NEDD4L: variants seen among roughly 807,000 people sequenced by gnomAD.
NEDD4L encodes the protein NEDD4 like E3 ubiquitin protein ligase, also known as E3 ubiquitin-protein ligase NEDD4-like.
A neutral mutation model predicts 148.9 loss-of-function variants in NEDD4L; 54 were observed. The observed-to-expected ratio is 0.36, with a 90% CI of 0.29 to 0.45. The LOEUF (loss-of-function observed/expected upper bound fraction) is 0.45. Among genes scored for constraint, NEDD4L ranks in the 20% least tolerant of loss-of-function variants. The pLI is 1.00. For missense variants in NEDD4L, 856 were observed against 1,233.8 expected (o/e 0.69, Z 4.59); for synonymous variants, 433 against 440.7 (o/e 0.98, Z 0.22).
chr18:58,240,679 T>C (rs753849366), intron 2 of NEDD4L, among the ~76,000 whole-genome samples: 2 of 152,186 alleles, frequency 1.3e-5, no homozygotes, highest in African/African-American at 2.4e-5. Context: ...CATTCAGAGC[T>C]TTCTTATTCT....
chr18:58,383,412 TGG>T, intron 25 of NEDD4L, 93 bp downstream of exon 25: 2 of 725,502 alleles, frequency 2.8e-6, no homozygotes, highest in Non-Finnish European at 4.8e-6. Flanking sequence ...GCATTTATTA[TGG>T]GCATGAGTTT....
At chr18:58,299,699 G>C (rs1156569942) in intron 5 of NEDD4L, among the ~76,000 whole-genome samples, 1 of 152,184 alleles carries the variant, frequency 6.6e-6, no homozygotes, top group Non-Finnish European at 1.5e-5. Flanking sequence ...CTCCTCCCCA[G>C]TCCTGGTCCC....
At chr18:58,147,189 G>A (rs570173508) in intron 1 of NEDD4L, among the ~76,000 whole-genome samples, 2 of 152,334 alleles carry the variant, frequency 1.3e-5, no homozygotes, top group East Asian at 3.9e-4. Context: ...GAGAAAGGCT[G>A]TGAGAGTGCG....
chr18:58,251,447 GA>G (rs373164112), intron 4 of NEDD4L, among the ~76,000 whole-genome samples: 1 of 152,114 alleles, frequency 6.6e-6, no homozygotes, highest in African/African-American at 2.4e-5. Flanking sequence ...CTGGGAGGTT[GA>G]GGCTGCAGTG....
At chr18:58,137,626 C>T (rs2032994755) in intron 1 of NEDD4L, among the ~76,000 whole-genome samples, 1 of 152,202 alleles carries the variant, frequency 6.6e-6, no homozygotes, top group Non-Finnish European at 1.5e-5. Flanking sequence ...CAACTCGTAT[C>T]CTCCAGTCTC....
At chr18:58,267,446 G>A (rs146782046) in intron 5 of NEDD4L, among the ~76,000 whole-genome samples, 9 of 152,216 alleles carry the variant, frequency 5.9e-5, no homozygotes, top group Middle Eastern at 3.4e-3. Context: ...ACTGGCTACT[G>A]TACTGGATGG....
intron 2 of NEDD4L, among the ~76,000 whole-genome samples, chr18:58,175,269 C>A (rs570137657): frequency 9.7e-4 from 148 of 152,346 alleles, no homozygotes; most frequent in Admixed American, 2.0e-3. Context: ...GCTGGGCACA[C>A]CCATTAGGTG....
chr18:58,234,086 TTTCTTTCTTTC>T (rs1242140047), intron 2 of NEDD4L, among the ~76,000 whole-genome samples: 21 of 96,644 alleles, frequency 2.2e-4, no homozygotes, highest in African/African-American at 9.1e-4. Flanking sequence ...TCTTTCTTTC[TTTCTTTCTTTC>T]TTTCTTTTCT....
At chr18:58,094,177 T>C (rs2084240177) in intron 1 of NEDD4L, among the ~76,000 whole-genome samples, 1 of 151,816 alleles carries the variant, frequency 6.6e-6, no homozygotes, top group Non-Finnish European at 1.5e-5. Flanking sequence ...CCCTTTTTTT[T>C]TTTTAATTTT....
chr18:58,384,486 T>TG (rs1165514101), intron 25 of NEDD4L, among the ~76,000 whole-genome samples: 1 of 152,034 alleles, frequency 6.6e-6, no homozygotes, highest in Admixed American at 6.6e-5. Context: ...AGACTGTGAG[T>TG]GGGGTTTAAA....
intron 9 of NEDD4L, among the ~76,000 whole-genome samples, chr18:58,325,618 AT>A (rs897317785): frequency 2.6e-5 from 4 of 151,948 alleles, no homozygotes; most frequent in Non-Finnish European, 5.9e-5. Flanking sequence ...AACCTCAAAA[AT>A]TTTTTTTTCT....
chr18:58,053,310 T>A (rs1598945283), intron 1 of NEDD4L, among the ~76,000 whole-genome samples: 1 of 112,064 alleles, frequency 8.9e-6, no homozygotes, highest in African/African-American at 2.7e-5. Context: ...GTGTTAACAA[T>A]TTTTTTTTTT....
At chr18:58,163,646 C>T (rs7229657) in intron 1 of NEDD4L, among the ~76,000 whole-genome samples, 2,197 of 152,316 alleles carry the variant, frequency 0.014, 51 homozygotes, top group African/African-American at 0.05. Flanking sequence ...TTGGCACAAA[C>T]GAGTTGCGAA....
At chr18:58,305,841 G>A (rs1259797781) in intron 5 of NEDD4L, among the ~76,000 whole-genome samples, 2 of 151,600 alleles carry the variant, frequency 1.3e-5, no homozygotes, top group East Asian at 1.9e-4. Context: ...ATCTAAAATT[G>A]TTGTGTCGGG....
chr18:58,372,977 T>A (rs1404724687), intron 23 of NEDD4L, 197 bp from the exon 24 acceptor site: 4 of 518,536 alleles, frequency 7.7e-6, no homozygotes, highest in Non-Finnish European at 1.1e-5. Context: ...AACTGCAAGC[T>A]CATTACAACT....
chr18:58,341,165 T>C lies in NEDD4L; in HGVS notation c.1253T>C (p.Met418Thr), dbSNP rs1236299484. ...ACCACAACTTGGACTCGACCTATCA[T>C]GCAGGTACGAAGATTGCCATCCAAC... Reference protein sequence around the residue: ...NRTTTWTRPIMQLAEDGASGS... With the variant: ...NRTTTWTRPITQLAEDGASGS... Residue 418 changes from methionine to threonine, a missense_variant, in exon 14 of 31, where the codon ATG becomes ACG. Physicochemically the swap from Met to Thr is moderately conservative, Grantham distance 81. Around this residue, in one of 4 missense-constraint regions of NEDD4L, gnomAD observed 367 missense variants for 422.7 expected, o/e 0.87. Transcript: ENST00000400345. 6.2e-7 allele frequency: 1 copy of C among 1,612,610 alleles called. No homozygotes were observed.
intron 1 of NEDD4L, among the ~76,000 whole-genome samples, chr18:58,125,119 C>T (rs909651216): frequency 4.6e-5 from 7 of 152,162 alleles, no homozygotes; most frequent in South Asian, 2.1e-4. Context: ...AAGCTGGTCT[C>T]GAACTCATGG....
chr18:58,340,038 G>T (rs1452879849), intron 13 of NEDD4L, among the ~76,000 whole-genome samples: 1 of 152,188 alleles, frequency 6.6e-6, no homozygotes, highest in Non-Finnish European at 1.5e-5. Flanking sequence ...TATACCTTTA[G>T]ATTCCCCTAG....
At chr18:58,180,462 G>A (rs2038728334) in intron 2 of NEDD4L, among the ~76,000 whole-genome samples, 2 of 152,148 alleles carry the variant, frequency 1.3e-5, no homozygotes, top group South Asian at 4.1e-4. Flanking sequence ...TCCCACATCG[G>A]CCCAGGGGCG....
Sources: allele counts gnomAD v4.1 joint callset (sites outside exome capture counted in the v4.1 genomes callset), GRCh38; gene constraint gnomAD v4.1.1; regional missense constraint gnomAD v4.1.1; transcripts MANE v1.5; gene names NCBI Gene and HGNC (gene_info 2026-07-23, HGNC 2026-07-21).